Variants in HNRNPH3 observed in about 807,000 individuals in gnomAD.
HNRNPH3 encodes heterogeneous nuclear ribonucleoprotein 2H9.
A neutral mutation model predicts 47.0 loss-of-function variants in HNRNPH3; 7 were observed. The ratio of observed to expected loss-of-function variants is 0.15; its 90% CI spans 0.08 to 0.28. HNRNPH3 has a LOEUF of 0.28. Among genes scored for constraint, HNRNPH3 ranks in the 10% least tolerant of loss-of-function variants. The probability of loss-of-function intolerance (pLI) is 1.00; values close to 1 mark genes in which losing one functional copy is unlikely to be tolerated. For synonymous variants in HNRNPH3, 120 were observed against 143.2 expected, an observed-to-expected ratio of 0.84 and a Z score of 1.16; for missense variants, 279 against 449.6, an observed-to-expected ratio of 0.62 and a Z score of 3.43.
At chr10:68,338,460 T>C in intron 3 of HNRNPH3, 43 bp from the exon 4 acceptor site, 1 of 1,316,368 alleles carries the variant, frequency 7.6e-7, no homozygotes, top group East Asian at 2.3e-5. Context: ...TTTACACTAA[T>C]ACATTTATGC....
chr10:68,337,165 T>C lies in HNRNPH3; in HGVS notation c.-23-34T>C, dbSNP rs2045588001. The C allele has an allele frequency of 2.0e-6, 2 of 1,020,868 alleles. No homozygotes were observed. Among genetic ancestry groups the C allele is most frequent in the Non-Finnish European group, 3.0e-6 (2 of 657,550 alleles). 63.2% of individuals were successfully genotyped at this position (1,020,868 alleles called of 1,614,324 possible). A position where few individuals can be genotyped will look rare whatever the true frequency, so the allele number is the denominator to read the frequency against. ...ACCTCTTGACAAGAGTATATTTTGA[T>C]TGACTGCTCTATGTGCTTGTTTATT... is the stretch of plus-strand genomic sequence containing the variant. On this transcript the variant is annotated intron_variant, in intron 1 of 9. Coordinates refer to ENST00000265866, the MANE Select transcript of HNRNPH3 (RefSeq NM_012207.3). The surrounding 1 kb of genome is among the most constrained non-coding windows in gnomAD (Gnocchi z 4.5).
chr10:68,334,923 GT>G (rs2045461398), intron 1 of HNRNPH3, among the ~76,000 whole-genome samples: 1 of 152,118 alleles, frequency 6.6e-6, no homozygotes, highest in Non-Finnish European at 1.5e-5. Context: ...AGTTTTTCTT[GT>G]TTTTGTTTTG....
At chr10:68,339,004 C>T in intron 4 of HNRNPH3, 136 bp from the exon 5 acceptor site, 1 of 611,682 alleles carries the variant, frequency 1.6e-6, no homozygotes, top group Non-Finnish European at 2.7e-6. Context: ...CTGCTTTTTT[C>T]ATAGGTTTTA....
At chr10:68,339,780 G>A (rs1411629268) in intron 6 of HNRNPH3, among the ~76,000 whole-genome samples, 3 of 151,728 alleles carry the variant, frequency 2.0e-5, no homozygotes, top group Non-Finnish European at 4.4e-5. Flanking sequence ...CCAGGTTCAC[G>A]CCATTGTCCT....
upstream of HNRNPH3, chr10:68,331,795 C>A (rs890220091): frequency 5.9e-5 from 9 of 152,390 alleles, no homozygotes; most frequent in Admixed American, 3.3e-4. Context: ...GCCATCGCCC[C>A]GAGGCGGCAG....
chr10:68,337,762 T>TTTGTC lies in HNRNPH3; in HGVS notation c.113-92_113-91insCTTGT. ...ACTAAGCTTTTTTGTTTTGTTTTGT[T>TTTGTC]TTGTTTAGACTTGTTTTAAATATTT... is the stretch of plus-strand genomic sequence containing the variant. On this transcript the variant is annotated intron_variant, in intron 2 of 9. Coordinates refer to ENST00000265866, the MANE Select transcript of HNRNPH3 (RefSeq NM_012207.3). The surrounding 1 kb of genome is among the most constrained non-coding windows in gnomAD (Gnocchi z 4.5). 1 of 1,143,414 alleles carries TTTGTC rather than the reference T, an allele frequency of 8.7e-7. No individual in the cohort carries two copies. The highest frequency in any genetic ancestry group is 1.2e-6 in the Non-Finnish European group (1 of 809,852). 70.8% of individuals were successfully genotyped at this position (1,143,414 alleles called of 1,614,324 possible).
Position 68,340,090 on chromosome 10 carries a change from A to G in HNRNPH3, c.639+535A>G, listed in dbSNP as rs540513635. ...TGCTCTGTCGCCCAGGCTAGAGTGC[A>G]GTGGCGCGATCTCGGCTCACTGCAA... On this transcript the variant is annotated intron_variant, in intron 6 of 9. Transcript: ENST00000265866. Among the ~76,000 whole-genome samples the G allele has an allele frequency of 5.8e-4, 89 of 152,148 alleles. 1 individual carries two copies. The highest frequency in any genetic ancestry group is 2.1e-3 in the African/African-American group (86 of 41,514).
chr10:68,337,368 G>T lies in HNRNPH3; in HGVS notation c.112+35G>T, dbSNP rs2045596270. On this transcript the variant is annotated intron_variant, in intron 2 of 9. Transcript: ENST00000265866. This position sits in a 1 kb window ranked among gnomAD's most constrained non-coding sequence, Gnocchi z 4.5. ...GTATTAGTCAAAGTTTAGTAGTATT[G>T]TAATTTTATATTTGTATTGTTTTAC... 1.7e-6 allele frequency: 2 copies of T among 1,211,716 alleles called. No individual in the cohort carries two copies. Among genetic ancestry groups the T allele is most frequent in the African/African-American group, 3.0e-5 (2 of 66,414 alleles). 75.1% of individuals were successfully genotyped at this position (1,211,716 alleles called of 1,614,324 possible).
At chr10:68,339,397 G>C in intron 5 of HNRNPH3, 43 bp from the exon 6 acceptor site, 7 of 1,553,162 alleles carry the variant, frequency 4.5e-6, no homozygotes, top group Non-Finnish European at 6.2e-6. Context: ...TTCCCTACTT[G>C]TATCTGTAAT....
intron 9 of HNRNPH3, 62 bp downstream of exon 9, chr10:68,341,913 G>T (rs780888348): frequency 6.3e-7 from 1 of 1,591,540 alleles, no homozygotes; most frequent in Non-Finnish European, 8.6e-7. Context: ...TAAAGTGCAG[G>T]TATTACTTTT....
intron 1 of HNRNPH3, among the ~76,000 whole-genome samples, chr10:68,333,655 C>T (rs1235426881): frequency 1.3e-5 from 2 of 152,028 alleles, no homozygotes; most frequent in Non-Finnish European, 2.9e-5. Flanking sequence ...TGGTGTGATT[C>T]GGATGAGGGT....
chr10:68,341,828 C>T lies in HNRNPH3; in HGVS notation c.941C>T (p.Thr314Ile), dbSNP rs763593129. Residue 314 changes from threonine to isoleucine, a missense_variant, in exon 9 of 10, where the codon ACT becomes ATT. Physicochemically the swap from Thr to Ile is moderately conservative, Grantham distance 89. Transcript: ENST00000265866. ...AACAATTACAGTGGAGGATATGGTA[C>T]TCCTGATGGTTTGGGTGGTTATGGT... Reference protein sequence around the residue: ...MGNNYSGGYGTPDGLGGYGRG... With the variant: ...MGNNYSGGYGIPDGLGGYGRG... The T allele has an allele frequency of 1.2e-6, 2 of 1,610,922 alleles. No homozygotes were observed. The highest frequency in any genetic ancestry group is 8.5e-7 in the Non-Finnish European group (1 of 1,178,002).
chr10:68,337,614 A>T lies in HNRNPH3; in HGVS notation c.113-244A>T, dbSNP rs541752942. The T allele has an allele frequency of 1.9e-6, 1 of 528,230 alleles. No homozygotes were observed. The highest frequency in any genetic ancestry group is 3.5e-5 in the Admixed American group (1 of 28,572). The allele number at this position is 528,230 out of a possible 1,614,324, so 32.7% of individuals were successfully genotyped here. Reference sequence around the variant, plus strand: ...ATATTTGATTTTGTAGCCTTTTTTCATGTAATATAGGTGGGCTTTTAGAGT... The same window carrying T: ...ATATTTGATTTTGTAGCCTTTTTTCTTGTAATATAGGTGGGCTTTTAGAGT... On this transcript the variant is annotated intron_variant, in intron 2 of 9. Coordinates refer to ENST00000265866, the MANE Select transcript of HNRNPH3 (RefSeq NM_012207.3). The surrounding 1 kb of genome is among the most constrained non-coding windows in gnomAD (Gnocchi z 4.5).
chr10:68,340,207 T>A (rs1306822653), intron 6 of HNRNPH3, among the ~76,000 whole-genome samples: 1 of 152,050 alleles, frequency 6.6e-6, no homozygotes, highest in Non-Finnish European at 1.5e-5. Flanking sequence ...TGGCTAACTT[T>A]TTGTATTTTT....
intron 5 of HNRNPH3, 47 bp downstream of exon 5, chr10:68,339,273 ATTTGC>A (rs2045706175): frequency 3.2e-6 from 5 of 1,584,380 alleles, no homozygotes; most frequent in East Asian, 2.2e-5. Flanking sequence ...AAATTTTAGT[ATTTGC>A]TTTGCAAGCT....
chr10:68,341,628 C>A lies in HNRNPH3; in HGVS notation c.819C>A (p.Gly273=). The A allele has an allele frequency of 6.2e-7, 1 of 1,613,390 alleles. No individual in the cohort carries two copies. The highest frequency in any genetic ancestry group is 8.5e-7 in the Non-Finnish European group (1 of 1,179,520). ...IELFLNSTPG[G]GSGMGGSGMG... is the part of the protein sequence containing the mutation. ...TCTTCTTGAATTCTACTCCTGGAGGCGGCTCTGGCATGGGAGGTTCTGGAA... is the reference window on the plus strand; with the variant it reads ...TCTTCTTGAATTCTACTCCTGGAGGAGGCTCTGGCATGGGAGGTTCTGGAA... The change falls in exon 8 of 10, where the codon GGC becomes GGA. Residue 273 remains glycine (G), a synonymous_variant. Transcript: ENST00000265866.
rs373733138 is a variant in HNRNPH3 at position 68,337,341 on chromosome 10, T to C, written c.112+8T>C. 87 of 1,433,170 alleles carry C rather than the reference T, an allele frequency of 6.1e-5. No homozygotes were observed. The highest frequency in any genetic ancestry group is 8.0e-5 in the Non-Finnish European group (81 of 1,015,888). 88.8% of individuals were successfully genotyped at this position (1,433,170 alleles called of 1,614,324 possible). On this transcript the variant is annotated splice_region_variant and intron_variant, in intron 2 of 9. Coordinates refer to ENST00000265866, the MANE Select transcript of HNRNPH3 (RefSeq NM_012207.3). This position sits in a 1 kb window ranked among gnomAD's most constrained non-coding sequence, Gnocchi z 4.5. ...TAGTTCAGTTCTTTCAAGGTACCTC[T>C]AGTATTAGTCAAAGTTTAGTAGTAT...
At position 68,338,001 on chromosome 10, in the gene HNRNPH3, G is replaced by A; in HGVS notation, c.251+5G>A. On this transcript the variant is annotated splice_donor_5th_base_variant and intron_variant, in intron 3 of 9. Coordinates refer to ENST00000265866, the MANE Select transcript of HNRNPH3 (RefSeq NM_012207.3). ...CAAGGAAAGAATAGGGCACAGGTGGGGATGGAGAGTTTGGGATGGTGTTAA... is the reference window on the plus strand; with the variant it reads ...CAAGGAAAGAATAGGGCACAGGTGGAGATGGAGAGTTTGGGATGGTGTTAA... 6.3e-7 allele frequency: 1 copy of A among 1,598,992 alleles called. No individual in the cohort carries two copies. The highest frequency in any genetic ancestry group is 8.5e-7 in the Non-Finnish European group (1 of 1,169,602).
At chr10:68,339,296 G>A in intron 5 of HNRNPH3, 70 bp downstream of exon 5, 1 of 1,576,334 alleles carries the variant, frequency 6.3e-7, no homozygotes, top group Non-Finnish European at 8.7e-7. Context: ...GCTCTTAGTG[G>A]TAATATAGGA....
Sources: gnomAD v4.1 joint callset for allele counts (sites outside exome capture counted in the v4.1 genomes callset) on GRCh38, gnomAD v4.1.1 for gene constraint, Gnocchi (gnomAD v3.1) non-coding constraint, MANE v1.5 for transcripts, NCBI Gene and HGNC (gene_info 2026-07-23, HGNC 2026-07-21) for gene names.